Variants in CACNA1F observed in about 807,000 individuals in gnomAD.
CACNA1F encodes voltage-dependent L-type calcium channel subunit alpha-1F.
A neutral mutation model predicts 143.8 loss-of-function variants in CACNA1F; 59 were observed. That is an observed-to-expected ratio of 0.41 (90% confidence interval 0.33 to 0.51). The LOEUF is 0.51. Among genes scored for constraint, CACNA1F ranks in the 20% least tolerant of loss-of-function variants. The pLI is 0.22. For missense variants in CACNA1F, 1,411 were observed against 1,647.5 expected (o/e 0.86, Z 2.48); for synonymous variants, 643 against 649.1 (o/e 0.99, Z 0.14).
At position 49,233,273 on chromosome X, in the gene CACNA1F, G is replaced by T. The variant is rs1282429381; in HGVS notation, c.25+12C>A. ...GCTCCAAGGGTCTGCAGGGATGGAA[G>T]GATTCTCTCACCTTTCCCGCCTTCA... is the stretch of plus-strand genomic sequence containing the variant. On this transcript the variant is annotated intron_variant, in intron 1 of 47. Coordinates refer to ENST00000323022, the MANE Select transcript of CACNA1F (RefSeq NM_001256789.3). 5 of 1,210,287 alleles carry T rather than the reference G, an allele frequency of 4.1e-6. No individual in the cohort carries two copies. Among genetic ancestry groups the T allele is most frequent in the Non-Finnish European group, 5.6e-6 (5 of 894,371 alleles).
chrX:49,222,341 G>T (rs1602644507), intron 17 of CACNA1F, 181 bp downstream of exon 17: 1 of 469,822 alleles, frequency 2.1e-6, no homozygotes, highest in African/African-American at 2.3e-5. Context: ...ATCTAGAACA[G>T]GACCTGGCAC....
rs1388429388 is a variant in CACNA1F at position 49,224,856 on chromosome X, G to A, written c.1782C>T (p.Ile594=). 1 of 1,204,239 alleles carries A rather than the reference G, an allele frequency of 8.3e-7. No individual in the cohort carries two copies. Among genetic ancestry groups the A allele is most frequent in the Admixed American group, 2.2e-5 (1 of 45,609 alleles). ...CCACCTCCACCAAGGTGGTCTCTAG[G>A]ATGCCCCCACAGACCACAAAGCAGT... ...RFDCFVVCGG[I]LETTLVEVGA... Residue 594 remains isoleucine, a synonymous_variant, in exon 14 of 48, where the codon ATC becomes ATT. Transcript: ENST00000323022.
chrX:49,228,814 G>A (rs1254750435), intron 6 of CACNA1F, among the ~76,000 whole-genome samples: 2 of 112,342 alleles, frequency 1.8e-5, no homozygotes, highest in South Asian at 3.6e-4. Context: ...TGATCCGCCC[G>A]CCTCGGCCTC....
intron 43 of CACNA1F, among the ~76,000 whole-genome samples, chrX:49,207,820 A>G (rs1602623129): frequency 9.1e-6 from 1 of 109,839 alleles, no homozygotes; most frequent in South Asian, 3.9e-4. Context: ...GCATTACCTC[A>G]TTTCATCCTT....
In CACNA1F at chrX:49,215,042, A is replaced by C. The variant is rs7886686; in HGVS notation, c.3597+44T>G. On this transcript the variant is annotated intron_variant, in intron 29 of 47. Transcript: ENST00000323022. ...GGTTCCCAAGGGATTATGTGGAGATAATAGGGTCAGGAGTCTGGCGGGGGT... is the reference window on the plus strand; with the variant it reads ...GGTTCCCAAGGGATTATGTGGAGATCATAGGGTCAGGAGTCTGGCGGGGGT... 7.6e-3 allele frequency: 8,769 copies of C among 1,149,357 alleles called. 449 individuals carry two copies. The African/African-American group carries it at 0.14, about 18-fold the overall frequency. 94.7% of individuals were successfully genotyped at this position (1,149,357 alleles called of 1,213,427 possible).
At chrX:49,225,194 G>C (rs2065812231) in intron 13 of CACNA1F, among the ~76,000 whole-genome samples, 1 of 107,682 alleles carries the variant, frequency 9.3e-6, no homozygotes, top group Non-Finnish European at 1.9e-5. Flanking sequence ...GAGGGGCAGA[G>C]TCGGGGTGGG....
chrX:49,209,177 TC>T, intron 42 of CACNA1F, 84 bp downstream of exon 42: 1 of 1,119,135 alleles, frequency 8.9e-7, no homozygotes, highest in Non-Finnish European at 1.2e-6. Flanking sequence ...GGGAGCTTCT[TC>T]CCAGAAGCAG....
At chrX:49,219,531 T>C in intron 20 of CACNA1F, 81 bp from the exon 21 acceptor site, 1 of 1,178,980 alleles carries the variant, frequency 8.5e-7, no homozygotes, top group Non-Finnish European at 1.1e-6. Context: ...GTTCTGGCCC[T>C]GACACAACAC....
intron 8 of CACNA1F, among the ~76,000 whole-genome samples, chrX:49,227,717 T>C (rs1023814522): frequency 3.6e-5 from 4 of 112,472 alleles, no homozygotes; most frequent in Non-Finnish European, 7.5e-5. Context: ...TTCTTATCTT[T>C]TATCTTTCCT....
chrX:49,218,496 G>T lies in CACNA1F; in HGVS notation c.2887C>A (p.Leu963Met). The change falls in exon 24 of 48, where the codon CTG becomes ATG. Residue 963 changes from leucine to methionine, a missense_variant. Physicochemically the swap from Leu to Met is conservative, Grantham distance 15. Coordinates refer to ENST00000323022, the MANE Select transcript of CACNA1F (RefSeq NM_001256789.3). ...VVKILRVLRV[L>M]RPLRAINRAK... ...CTGTTGATGGCTCGGAGGGGCCGCAGTACTCGGAGTACTCGCAGAATCTTC... is the reference window on the plus strand; with the variant it reads ...CTGTTGATGGCTCGGAGGGGCCGCATTACTCGGAGTACTCGCAGAATCTTC... The T allele has an allele frequency of 8.4e-7, 1 of 1,184,744 alleles. No homozygotes were observed. The highest frequency in any genetic ancestry group is 1.1e-6 in the Non-Finnish European group (1 of 882,509).
At position 49,231,358 on chromosome X, in the gene CACNA1F, T is replaced by A. The variant is rs1362266721; in HGVS notation, c.276-51A>T. 4 of 919,692 alleles carry A rather than the reference T, an allele frequency of 4.3e-6. No homozygotes were observed. The African/African-American group carries it at 7.9e-5, about 18-fold the overall frequency. 75.8% of individuals were successfully genotyped at this position (919,692 alleles called of 1,213,427 possible). On this transcript the variant is annotated intron_variant, in intron 2 of 47. Coordinates refer to ENST00000323022, the MANE Select transcript of CACNA1F (RefSeq NM_001256789.3). ...TGGCAGAGTGGCATTGGAACCCCCC[T>A]ACTCCCTTGGGAACCTCCCACCCAG...
chrX:49,215,316 A>C (rs1557107122), intron 28 of CACNA1F, 26 bp downstream of exon 28: 3 of 1,207,355 alleles, frequency 2.5e-6, no homozygotes, highest in Non-Finnish European at 3.4e-6. Flanking sequence ...GTGACCATCC[A>C]TAGGGGGTCA....
intron 33 of CACNA1F, 94 bp from the exon 34 acceptor site, chrX:49,212,402 C>T: frequency 1.3e-6 from 1 of 758,236 alleles, no homozygotes; most frequent in Non-Finnish European, 2.0e-6. Context: ...TGGCCTGGGC[C>T]TACTGGGAGA....
intron 42 of CACNA1F, 24 bp from the exon 43 acceptor site, chrX:49,208,708 T>A: frequency 8.3e-7 from 1 of 1,198,604 alleles, no homozygotes; most frequent in South Asian, 1.8e-5. Flanking sequence ...CAGGACTGAG[T>A]GTTGCATGCA....
Position 49,218,503 on chromosome X carries a change from G to A in CACNA1F, c.2880C>T (p.Leu960=), listed in dbSNP as rs1557107995. Residue 960 remains leucine (L), a synonymous_variant, in exon 24 of 48, where the codon CTC becomes CTT. Transcript: ENST00000323022. ...TGGCTCGGAGGGGCCGCAGTACTCG[G>A]AGTACTCGCAGAATCTTCACCACCG... The part of the protein sequence containing the change: ...AISVVKILRV[L]RVLRPLRAIN... 8.4e-7 allele frequency: 1 copy of A among 1,185,241 alleles called. No individual in the cohort carries two copies. The highest frequency in any genetic ancestry group is 1.1e-6 in the Non-Finnish European group (1 of 883,593).
chrX:49,226,581 C>T, intron 10 of CACNA1F, 29 bp downstream of exon 10: 1 of 1,163,947 alleles, frequency 8.6e-7, no homozygotes. Context: ...TGCCTACCCA[C>T]CCCCACCCCA....
chrX:49,227,709 C>G (rs1390777855), intron 8 of CACNA1F, among the ~76,000 whole-genome samples: 1 of 112,366 alleles, frequency 8.9e-6, no homozygotes, highest in African/African-American at 3.2e-5. Flanking sequence ...TCTCTCCATT[C>G]TTATCTTTTA....
intron 41 of CACNA1F, 36 bp downstream of exon 41, chrX:49,209,593 C>A (rs1713268377): frequency 8.3e-7 from 1 of 1,208,872 alleles, no homozygotes; most frequent in Admixed American, 2.2e-5. Flanking sequence ...AGCACTGCCA[C>A]ACGTGCCCAT....
chrX:49,233,005 G>A (rs1218355620), intron 1 of CACNA1F, among the ~76,000 whole-genome samples: 1 of 110,233 alleles, frequency 9.1e-6, no homozygotes, highest in Non-Finnish European at 1.9e-5. Context: ...TCAGGTGGGC[G>A]TTTGGATAGG....
Sources: allele counts gnomAD v4.1 joint callset (sites outside exome capture counted in the v4.1 genomes callset), GRCh38; gene constraint gnomAD v4.1.1; transcripts MANE v1.5; gene names NCBI Gene and HGNC (gene_info 2026-07-23, HGNC 2026-07-21).